Variants in KCNJ6 observed in about 807,000 individuals in gnomAD.
KCNJ6 encodes G protein-activated inward rectifier potassium channel 2.
A neutral mutation model predicts 34.2 loss-of-function variants in KCNJ6; 9 were observed. The observed-to-expected ratio is 0.26, with a 90% confidence interval of 0.16 to 0.46. KCNJ6 has a LOEUF of 0.46. KCNJ6 is among the 20% of genes least tolerant of loss of function. KCNJ6 has a pLI of 1.00. For missense variants in KCNJ6, 236 were observed against 531.3 expected (o/e 0.44, Z 5.46); for synonymous variants, 196 against 207.1 (o/e 0.95, Z 0.46).
intron 2 of KCNJ6, among the ~76,000 whole-genome samples, chr21:37,818,137 A>T (rs569227697): frequency 7.3e-5 from 11 of 151,350 alleles, no homozygotes; most frequent in African/African-American, 2.7e-4. Context: ...AACCCTAGGA[A>T]CCCCTTTCAT....
chr21:37,753,596 G>A (rs1257695677), intron 2 of KCNJ6, among the ~76,000 whole-genome samples: 4 of 152,204 alleles, frequency 2.6e-5, no homozygotes. Flanking sequence ...CTGTGCAAAG[G>A]GCAGTCTGGA....
chr21:37,724,300 C>A (rs1407122497), intron 2 of KCNJ6, among the ~76,000 whole-genome samples: 3 of 151,926 alleles, frequency 2.0e-5, no homozygotes, highest in Non-Finnish European at 4.4e-5. Flanking sequence ...TTTCAGGAAA[C>A]ACAGGTCTCT....
chr21:37,643,305 C>G (rs73410080), intron 3 of KCNJ6, among the ~76,000 whole-genome samples: 2,145 of 152,280 alleles, frequency 0.014, 59 homozygotes, highest in African/African-American at 0.049. Context: ...TCTTAATTAC[C>G]TAGCCCTTCA....
chr21:37,636,234 T>C (rs1490398884), intron 3 of KCNJ6, among the ~76,000 whole-genome samples: 1 of 152,200 alleles, frequency 6.6e-6, no homozygotes, highest in African/African-American at 2.4e-5. Flanking sequence ...CAGATTCAAA[T>C]GCCAGTCTCT....
At chr21:37,865,635 A>T (rs1241003414) in intron 1 of KCNJ6, among the ~76,000 whole-genome samples, 1 of 152,212 alleles carries the variant, frequency 6.6e-6, no homozygotes, top group Non-Finnish European at 1.5e-5. Flanking sequence ...TGTCCATGTC[A>T]TACCCCTGTT....
In KCNJ6 at chr21:37,622,812, C is replaced by T. The variant is rs1253967163; in HGVS notation, c.*2347G>A. ...CGGGGGTGTGCGCTGTCCTTTAAAC[C>T]TTAGCAATGGAATTAAAAAGGCCCA... On this transcript the variant is annotated 3_prime_UTR_variant, in exon 4 of 4. Coordinates refer to ENST00000609713, the MANE Select transcript of KCNJ6 (RefSeq NM_002240.5). 5 of 152,208 alleles carry T rather than the reference C, an allele frequency of 3.3e-5. No individual in the cohort carries two copies. Among genetic ancestry groups the T allele is most frequent in the Non-Finnish European group, 7.3e-5 (5 of 68,058 alleles). 9.4% of individuals were successfully genotyped at this position (152,208 alleles called of 1,614,324 possible). A position where few individuals can be genotyped will look rare whatever the true frequency, so the allele number is the denominator to read the frequency against.
intron 2 of KCNJ6, among the ~76,000 whole-genome samples, chr21:37,745,627 T>C (rs936851704): frequency 3.3e-5 from 5 of 152,194 alleles, no homozygotes; most frequent in African/African-American, 1.2e-4. Context: ...TTTGTGATAT[T>C]AGTCCAATCA....
At chr21:37,649,132 C>CAAAAAAAAAAAA (rs1169306298) in intron 3 of KCNJ6, among the ~76,000 whole-genome samples, 14 of 39,946 alleles carry the variant, frequency 3.5e-4, no homozygotes, top group African/African-American at 6.0e-4. Flanking sequence ...GACTCCATCT[C>CAAAAAAAAAAAA]AAAAAAAAAA....
chr21:37,745,483 GTAGAATC>G (rs1193882211), intron 2 of KCNJ6, among the ~76,000 whole-genome samples: 1 of 152,050 alleles, frequency 6.6e-6, no homozygotes, highest in East Asian at 1.9e-4. Context: ...CAGGTGGCCT[GTAGAATC>G]TGGGAAAGGA....
At position 37,614,522 on chromosome 21, in the gene KCNJ6, G is replaced by GTCTC. The variant is rs1601386889; in HGVS notation, c.*10636_*10637insGAGA. ...TATGCATGTGTCTCTGTATGCATGT[G>GTCTC]TGTATGCATGTCTCTGTGTATGCGT... is the stretch of plus-strand genomic sequence containing the variant. On this transcript the variant is annotated 3_prime_UTR_variant, in exon 4 of 4. Coordinates refer to ENST00000609713, the MANE Select transcript of KCNJ6 (RefSeq NM_002240.5). 3.0e-5 allele frequency: 4 copies of GTCTC among 131,674 alleles called. 1 individual carries two copies. The highest frequency in any genetic ancestry group is 3.3e-5 in the Non-Finnish European group (2 of 61,304). 8.2% of individuals were successfully genotyped at this position (131,674 alleles called of 1,614,324 possible). A position where few individuals can be genotyped will look rare whatever the true frequency, so the allele number is the denominator to read the frequency against.
In KCNJ6 at chr21:37,608,851, AT is replaced by A. The variant is rs1296524412; in HGVS notation, c.*16307del. 1 of 152,208 alleles carries A rather than the reference AT, an allele frequency of 6.6e-6. No individual in the cohort carries two copies. The highest frequency in any genetic ancestry group is 1.9e-4 in the East Asian group (1 of 5,204). 9.4% of individuals were successfully genotyped at this position (152,208 alleles called of 1,614,324 possible). On this transcript the variant is annotated 3_prime_UTR_variant, in exon 4 of 4. Transcript: ENST00000609713. ...TACTGCAAGTGTTCACTGAGTGCTC[AT>A]GGCCAGCACTCAGGCAAGTGAATAC...
At chr21:37,828,692 G>T (rs1053341364) in intron 2 of KCNJ6, among the ~76,000 whole-genome samples, 1 of 152,182 alleles carries the variant, frequency 6.6e-6, no homozygotes. Context: ...TGCGCTCTGC[G>T]GAGTTTCAGC....
rs184374782 is a variant in KCNJ6, at chr21:37,760,690, T to C, written c.26-45559A>G. On this transcript the variant is annotated intron_variant, in intron 2 of 3. Coordinates refer to ENST00000609713, the MANE Select transcript of KCNJ6 (RefSeq NM_002240.5). ...GTCTCATGCTTAAGAACCTGCCTTT[T>C]TCCTTTTATCCCTATGTTTTGGGAT... is the stretch of plus-strand genomic sequence containing the variant. Among the ~76,000 whole-genome samples the C allele has an allele frequency of 3.3e-5, 5 of 152,344 alleles. No individual in the cohort carries two copies. The East Asian group carries it at 9.6e-4, about 29-fold the overall frequency.
intron 2 of KCNJ6, among the ~76,000 whole-genome samples, chr21:37,761,376 G>C (rs957632728): frequency 6.6e-6 from 1 of 151,202 alleles, no homozygotes; most frequent in Non-Finnish European, 1.5e-5. Context: ...GTGTATATTT[G>C]TGTGTGTTGT....
At chr21:37,887,787 C>G (rs953334016) in intron 1 of KCNJ6, among the ~76,000 whole-genome samples, 1 of 152,238 alleles carries the variant, frequency 6.6e-6, no homozygotes, top group Non-Finnish European at 1.5e-5. Flanking sequence ...ACAAACTTGA[C>G]TTCCAGCCCT....
At chr21:37,672,889 C>T (rs1432705294) in intron 3 of KCNJ6, among the ~76,000 whole-genome samples, 1 of 152,168 alleles carries the variant, frequency 6.6e-6, no homozygotes, top group East Asian at 1.9e-4. Context: ...AGTGGTCCTC[C>T]TGTCTCAGCC....
intron 3 of KCNJ6, among the ~76,000 whole-genome samples, chr21:37,650,233 C>T (rs2054427031): frequency 6.6e-6 from 1 of 152,192 alleles, no homozygotes; most frequent in African/African-American, 2.4e-5. Flanking sequence ...GAGCTCTCTG[C>T]TCCAGCAAGG....
chr21:37,891,292 C>T (rs2055760865), intron 1 of KCNJ6, among the ~76,000 whole-genome samples: 1 of 149,458 alleles, frequency 6.7e-6, no homozygotes, highest in East Asian at 2.0e-4. Context: ...GGTACAGACA[C>T]ACATAAACAT....
chr21:37,796,955 G>A (rs1362595551), intron 2 of KCNJ6, among the ~76,000 whole-genome samples: 8 of 150,842 alleles, frequency 5.3e-5, no homozygotes, highest in South Asian at 4.2e-4. Context: ...CACCGCGCCC[G>A]GCTAATTTTT....
Sources: allele counts gnomAD v4.1 joint callset (sites outside exome capture counted in the v4.1 genomes callset), GRCh38; gene constraint gnomAD v4.1.1; transcripts MANE v1.5; gene names NCBI Gene and HGNC (gene_info 2026-07-23, HGNC 2026-07-21).